Variants in TNIP2 observed in about 807,000 individuals in gnomAD.
TNIP2 encodes the protein TNFAIP3 interacting protein 2.
TNIP2 carries 30 observed loss-of-function variants against 43.7 expected under a neutral mutation model. The observed-to-expected ratio is 0.69, with a 90% CI of 0.51 to 0.93. TNIP2 has a LOEUF of 0.93. TNIP2 is among the 40% of genes least tolerant of loss of function. TNIP2 has a pLI of 0.00. For missense variants in TNIP2, 599 were observed against 591.0 expected (o/e 1.01, Z -0.14); for synonymous variants, 260 against 254.6 (o/e 1.02, Z -0.20).
chr4:2,755,158 C>G lies in TNIP2; in HGVS notation c.276+856G>C, dbSNP rs868582287. ...TCTAGAACACAATATGAGTACACGA[C>G]CTTGGACCCAAGACACACATGTGTG... On this transcript the variant is annotated intron_variant, in intron 1 of 5. Transcript: ENST00000315423. 2.6e-5 allele frequency among the ~76,000 whole-genome samples: 4 copies of G among 152,074 alleles called. No individual in the cohort carries two copies. The South Asian group carries it at 8.3e-4, about 31-fold the overall frequency.
chr4:2,741,820 C>G lies in TNIP2; in HGVS notation c.*437G>C. Reference sequence around the variant, plus strand: ...GCCACCCTAGTGTGACGTGCAGCCGCAATACTCCATTTGACTGGTTCGAGG... The same window carrying G: ...GCCACCCTAGTGTGACGTGCAGCCGGAATACTCCATTTGACTGGTTCGAGG... On this transcript the variant is annotated 3_prime_UTR_variant, in exon 6 of 6. Coordinates refer to ENST00000315423, the MANE Select transcript of TNIP2 (RefSeq NM_024309.4). 1 of 161,100 alleles carries G rather than the reference C, an allele frequency of 6.2e-6. No individual in the cohort carries two copies. The highest frequency in any genetic ancestry group is 1.3e-5 in the Non-Finnish European group (1 of 74,310). The allele number at this position is 161,100 out of a possible 1,614,324, so 10.0% of individuals were successfully genotyped here. A position where few individuals can be genotyped will look rare whatever the true frequency, so the allele number is the denominator to read the frequency against.
chr4:2,751,336 G>A (rs896650837), intron 1 of TNIP2, among the ~76,000 whole-genome samples: 16 of 152,218 alleles, frequency 1.1e-4, no homozygotes, highest in African/African-American at 3.6e-4. Context: ...AAAGCCTGTC[G>A]CCGGGACCCA....
intron 1 of TNIP2, among the ~76,000 whole-genome samples, chr4:2,752,326 G>C (rs982508124): frequency 3.9e-5 from 6 of 152,150 alleles, no homozygotes; most frequent in African/African-American, 1.4e-4. Flanking sequence ...CATTATTCCA[G>C]AAAGTATTAA....
At chr4:2,755,834 C>G (rs1217900186) in intron 1 of TNIP2, 180 bp downstream of exon 1, 3 of 887,074 alleles carry the variant, frequency 3.4e-6, no homozygotes, top group African/African-American at 3.6e-5. Flanking sequence ...CCCGGCACCC[C>G]CTCAACTCCC....
intron 1 of TNIP2, among the ~76,000 whole-genome samples, chr4:2,752,061 C>T (rs1418287987): frequency 7.0e-6 from 1 of 143,576 alleles, no homozygotes. Context: ...GCCAAGATCC[C>T]GCCACTGCAC....
intron 1 of TNIP2, 46 bp downstream of exon 1, chr4:2,755,968 A>C (rs1722229333): frequency 6.7e-7 from 1 of 1,490,388 alleles, no homozygotes; most frequent in Middle Eastern, 2.4e-4. Context: ...GGCGGCCGCC[A>C]CACGCACTCT....
At chr4:2,755,634 CCCCCTCTCTCCCCTAGG>C (rs1722214013) in intron 1 of TNIP2, among the ~76,000 whole-genome samples, 1 of 141,618 alleles carries the variant, frequency 7.1e-6, no homozygotes, top group Admixed American at 7.0e-5. Context: ...AGGACCTGGT[CCCCCTCTCTCCCCTAGG>C]ACCCAGGGTC....
Position 2,743,386 on chromosome 4 carries a change from T to C in TNIP2, c.1027-866A>G, listed in dbSNP as rs549893270. On this transcript the variant is annotated intron_variant, in intron 5 of 5. Coordinates refer to ENST00000315423, the MANE Select transcript of TNIP2 (RefSeq NM_024309.4). ...TTCAAGAGGCGGCCTGAGACCATCC[T>C]CACGATTGTACCAATAGTGCTCCTT... 5.3e-5 allele frequency among the ~76,000 whole-genome samples: 8 copies of C among 152,306 alleles called. No homozygotes were observed. In the South Asian group the frequency reaches 1.7e-3, roughly 32 times the overall value.
chr4:2,742,439 T>G lies in TNIP2; in HGVS notation c.1108A>C (p.Met370Leu). ...KYLAADALELMVPGGWRPGTG... is the reference protein window; with the variant it reads ...KYLAADALELLVPGGWRPGTG... Reference sequence around the variant, plus strand: ...CCAGGCCTCCAGCCACCAGGCACCATAAGCTCTAATGCGTCGGCGGCCAAA... The same window carrying G: ...CCAGGCCTCCAGCCACCAGGCACCAGAAGCTCTAATGCGTCGGCGGCCAAA... Residue 370 changes from methionine (M) to leucine (L), a missense_variant, in exon 6 of 6, where the codon ATG (methionine) becomes CTG (leucine). Met to Leu is a conservative substitution (Grantham distance 15). Coordinates refer to ENST00000315423, the MANE Select transcript of TNIP2 (RefSeq NM_024309.4). The G allele has an allele frequency of 6.2e-7, 1 of 1,612,870 alleles. No homozygotes were observed. The highest frequency in any genetic ancestry group is 2.2e-5 in the East Asian group (1 of 44,798).
intron 1 of TNIP2, among the ~76,000 whole-genome samples, chr4:2,750,678 G>GT (rs1486990734): frequency 2.2e-5 from 3 of 138,448 alleles, no homozygotes; most frequent in Non-Finnish European, 3.2e-5. Context: ...CCTGACTTCT[G>GT]GTTTTTTTTT....
chr4:2,743,522 G>A (rs146845716), intron 5 of TNIP2, among the ~76,000 whole-genome samples: 144 of 152,254 alleles, frequency 9.5e-4, no homozygotes, highest in African/African-American at 3.4e-3. Context: ...TGACTCTCCC[G>A]TGCCCTTCAT....
chr4:2,755,579 C>G (rs1560650296), intron 1 of TNIP2, among the ~76,000 whole-genome samples: 1 of 148,654 alleles, frequency 6.7e-6, no homozygotes, highest in Non-Finnish European at 1.5e-5. Context: ...TCAAACCCCC[C>G]AGGACCCAGC....
At chr4:2,755,526 A>G (rs1355536113) in intron 1 of TNIP2, among the ~76,000 whole-genome samples, 2 of 119,120 alleles carry the variant, frequency 1.7e-5, no homozygotes, top group Non-Finnish European at 3.4e-5. Flanking sequence ...CTCACCCCGC[A>G]GGACCCAGAG....
In TNIP2 at chr4:2,742,409, C is replaced by G; in HGVS notation, c.1138G>C (p.Gly380Arg). The G allele has an allele frequency of 6.2e-7, 1 of 1,612,548 alleles. No individual in the cohort carries two copies. The highest frequency in any genetic ancestry group is 1.1e-5 in the South Asian group (1 of 90,818). Residue 380 changes from glycine to arginine, a missense_variant, in exon 6 of 6, where the codon GGG becomes CGG. Coordinates refer to ENST00000315423, the MANE Select transcript of TNIP2 (RefSeq NM_024309.4). Reference sequence around the variant, plus strand: ...GCAGGGGGTTCTGGCTGCTGGGACCCAGTCCCAGGCCTCCAGCCACCAGGC... The same window carrying G: ...GCAGGGGGTTCTGGCTGCTGGGACCGAGTCCCAGGCCTCCAGCCACCAGGC... ...MVPGGWRPGT[G>R]SQQPEPPAEG... is the part of the protein sequence containing the mutation.
At chr4:2,747,506 T>G (rs1721979192) in intron 2 of TNIP2, 149 bp downstream of exon 2, 4 of 777,468 alleles carry the variant, frequency 5.1e-6, no homozygotes, top group Non-Finnish European at 8.4e-6. Flanking sequence ...AACCCTTGGA[T>G]GAGTGAGCTT....
chr4:2,751,811 G>A (rs1263209728), intron 1 of TNIP2, among the ~76,000 whole-genome samples: 5 of 150,728 alleles, frequency 3.3e-5, no homozygotes, highest in Admixed American at 2.0e-4. Context: ...AGAAAGAAAG[G>A]AACAAGGAAG....
chr4:2,747,040 C>T (rs1055441715), intron 2 of TNIP2, among the ~76,000 whole-genome samples: 43 of 152,222 alleles, frequency 2.8e-4, no homozygotes, highest in Admixed American at 2.7e-3. Flanking sequence ...CACTTGGTGC[C>T]GCTGCCCCCG....
At chr4:2,750,420 TTATTATTA>T in intron 1 of TNIP2, among the ~76,000 whole-genome samples, 2 of 149,228 alleles carry the variant, frequency 1.3e-5, no homozygotes, top group Non-Finnish European at 3.0e-5. Flanking sequence ...ATTATTATTA[TTATTATTA>T]TTATTTTATT....
chr4:2,755,835 C>A, intron 1 of TNIP2, 179 bp downstream of exon 1: 1 of 908,962 alleles, frequency 1.1e-6, no homozygotes, highest in Non-Finnish European at 1.5e-6. Flanking sequence ...CCGGCACCCC[C>A]TCAACTCCCA....
Sources: allele counts gnomAD v4.1 joint callset (sites outside exome capture counted in the v4.1 genomes callset), GRCh38; gene constraint gnomAD v4.1.1; transcripts MANE v1.5; gene names NCBI Gene and HGNC (gene_info 2026-07-23, HGNC 2026-07-21).